PRKCA: variants seen among roughly 807,000 people sequenced by gnomAD.
PRKCA encodes the protein protein kinase C alpha type.
PRKCA carries 27 observed loss-of-function variants against 87.0 expected under a neutral mutation model. The observed-to-expected ratio is 0.31, with a 90% CI of 0.23 to 0.43. The LOEUF (loss-of-function observed/expected upper bound fraction) is 0.43, where lower values mean the gene tolerates loss of function less well. Ranked by LOEUF, PRKCA falls within the 20% of genes least tolerant of loss-of-function variation. The probability of loss-of-function intolerance (pLI) is 1.00; values close to 1 mark genes in which losing one functional copy is unlikely to be tolerated. For missense variants in PRKCA, 518 were observed against 852.3 expected, an observed-to-expected ratio of 0.61 and a Z score of 4.88; for synonymous variants, 329 against 311.1, an observed-to-expected ratio of 1.06 and a Z score of -0.61.
At chr17:66,412,555 G>A (rs1027966343) in intron 2 of PRKCA, 3 of 152,058 alleles carry the variant, frequency 2.0e-5, no homozygotes, top group African/African-American at 4.8e-5. Flanking sequence ...TGGAAAATGG[G>A]AGAGTCCACA....
At chr17:66,604,108 G>T (rs1970139477) in intron 3 of PRKCA, among the ~76,000 whole-genome samples, 1 of 152,114 alleles carries the variant, frequency 6.6e-6, no homozygotes, top group Non-Finnish European at 1.5e-5. Context: ...TCTCCTTGGT[G>T]ATCGCCTCTG....
chr17:66,655,934 T>G (rs1312046360), intron 5 of PRKCA, among the ~76,000 whole-genome samples: 2 of 152,188 alleles, frequency 1.3e-5, no homozygotes, highest in Non-Finnish European at 2.9e-5. Flanking sequence ...AGACACATGA[T>G]TATTTACATT....
At chr17:66,628,348 T>C (rs1255561045) in intron 3 of PRKCA, among the ~76,000 whole-genome samples, 1 of 152,066 alleles carries the variant, frequency 6.6e-6, no homozygotes, top group Non-Finnish European at 1.5e-5. Context: ...TGTTTAGGAA[T>C]TGGGGGTTGA....
At chr17:66,727,480 CA>C (rs1663727445) in intron 8 of PRKCA, among the ~76,000 whole-genome samples, 1 of 152,126 alleles carries the variant, frequency 6.6e-6, no homozygotes, top group African/African-American at 2.4e-5. Context: ...AGTGAGGTCC[CA>C]GGTGAAACTG....
intron 2 of PRKCA, among the ~76,000 whole-genome samples, chr17:66,479,709 A>G (rs1458766490): frequency 6.6e-6 from 1 of 152,204 alleles, no homozygotes. Context: ...TTGCAGGGAA[A>G]TGGATGGAGC....
intron 3 of PRKCA, among the ~76,000 whole-genome samples, chr17:66,615,314 C>G (rs1228392580): frequency 6.6e-6 from 1 of 151,910 alleles, no homozygotes; most frequent in African/African-American, 2.4e-5. Context: ...TGAGGGTTCT[C>G]TTATGAAGGA....
intron 3 of PRKCA, among the ~76,000 whole-genome samples, chr17:66,532,303 C>G (rs527444013): frequency 1.1e-4 from 16 of 143,362 alleles, no homozygotes; most frequent in South Asian, 2.6e-4. Flanking sequence ...CCCCTCCCCC[C>G]CCACCCCCAC....
intron 13 of PRKCA, among the ~76,000 whole-genome samples, chr17:66,767,208 G>T (rs1026602622): frequency 6.6e-6 from 1 of 152,030 alleles, no homozygotes; most frequent in African/African-American, 2.4e-5. Flanking sequence ...TTATCGATAG[G>T]TTCTTGGAAA....
chr17:66,406,220 C>T (rs962781122), intron 2 of PRKCA, among the ~76,000 whole-genome samples: 1 of 152,016 alleles, frequency 6.6e-6, no homozygotes, highest in East Asian at 1.9e-4. Context: ...ATTTTAATTA[C>T]AGGTCTCCCA....
Position 66,807,407 on chromosome 17 carries a change from G to A in PRKCA, c.*3370G>A, listed in dbSNP as rs1976056183. The A allele has an allele frequency of 6.6e-6, 1 of 152,286 alleles. No homozygotes were observed. Among genetic ancestry groups the A allele is most frequent in the African/African-American group, 2.4e-5 (1 of 41,462 alleles). The allele number at this position is 152,286 out of a possible 1,614,324, so 9.4% of individuals were successfully genotyped here. A position where few individuals can be genotyped will look rare whatever the true frequency, so the allele number is the denominator to read the frequency against. ...GCATTTCAATTGAAGGTCACCAGGT[G>A]CTGGGTTTGAAAGGAAGTCACTGGA... On this transcript the variant is annotated 3_prime_UTR_variant, in exon 17 of 17. Coordinates refer to ENST00000413366, the MANE Select transcript of PRKCA (RefSeq NM_002737.3). This position sits in a 1 kb window ranked among gnomAD's most constrained non-coding sequence, Gnocchi z 4.3.
chr17:66,665,549 C>T (rs181183528), intron 5 of PRKCA, among the ~76,000 whole-genome samples: 1 of 152,206 alleles, frequency 6.6e-6, no homozygotes, highest in East Asian at 1.9e-4. Context: ...CTGAGTAGAC[C>T]TGCTAAGCAC....
intron 8 of PRKCA, among the ~76,000 whole-genome samples, chr17:66,715,889 A>G (rs1973460655): frequency 1.3e-5 from 2 of 152,214 alleles, no homozygotes; most frequent in Admixed American, 1.3e-4. Context: ...TCAGAAACTG[A>G]ATACCACAAG....
At chr17:66,672,512 A>G (rs1291859433) in intron 5 of PRKCA, among the ~76,000 whole-genome samples, 1 of 152,198 alleles carries the variant, frequency 6.6e-6, no homozygotes, top group East Asian at 1.9e-4. Flanking sequence ...CCTTTAAGCT[A>G]CTTCCAAGAA....
chr17:66,538,943 C>G (rs1229255256), intron 3 of PRKCA, among the ~76,000 whole-genome samples: 1 of 152,172 alleles, frequency 6.6e-6, no homozygotes, highest in Non-Finnish European at 1.5e-5. Flanking sequence ...ATCTGAGGCC[C>G]TCATCGAAGG....
rs897704748 is a variant in PRKCA at position 66,732,673 on chromosome 17, G to T, written c.919-15G>T. On this transcript the variant is annotated splice_polypyrimidine_tract_variant and intron_variant, in intron 8 of 16. Transcript: ENST00000413366. The stretch of plus-strand genomic sequence containing the variant: ...AAAATGACCCACGTGTTTCCCATTT[G>T]TGCTTGTTATTTAGAAAGCCAAACT... The T allele has an allele frequency of 1.2e-6, 2 of 1,613,732 alleles. No individual in the cohort carries two copies. The highest frequency in any genetic ancestry group is 2.7e-5 in the African/African-American group (2 of 74,894).
intron 3 of PRKCA, among the ~76,000 whole-genome samples, chr17:66,512,457 A>AGTGTGT (rs71160573): frequency 0.076 from 10,983 of 144,358 alleles, 448 homozygotes; most frequent in South Asian, 0.13. Flanking sequence ...CAACAAAAAA[A>AGTGTGT]GTGTGTGTGT....
chr17:66,394,906 C>T (rs1434753334), intron 2 of PRKCA, among the ~76,000 whole-genome samples: 1 of 152,208 alleles, frequency 6.6e-6, no homozygotes, highest in Non-Finnish European at 1.5e-5. Flanking sequence ...CCTCCCCAGC[C>T]ATGCTGAACT....
At chr17:66,456,157 A>G (rs1914567982) in intron 2 of PRKCA, among the ~76,000 whole-genome samples, 2 of 152,124 alleles carry the variant, frequency 1.3e-5, no homozygotes, top group Non-Finnish European at 2.9e-5. Flanking sequence ...GATGAGGAAC[A>G]GATTCTTTCT....
chr17:66,530,212 A>G (rs1344144517), intron 3 of PRKCA, among the ~76,000 whole-genome samples: 4 of 152,218 alleles, frequency 2.6e-5, no homozygotes, highest in African/African-American at 9.6e-5. Flanking sequence ...AAGTACATTC[A>G]TGCCCATTGA....
Sources: gnomAD v4.1 joint callset for allele counts (sites outside exome capture counted in the v4.1 genomes callset) on GRCh38, gnomAD v4.1.1 for gene constraint, Gnocchi (gnomAD v3.1) non-coding constraint, MANE v1.5 for transcripts, NCBI Gene and HGNC (gene_info 2026-07-23, HGNC 2026-07-21) for gene names.